FAT1: variants seen among roughly 807,000 people sequenced by gnomAD.
FAT1 encodes the protein protocadherin Fat 1.
FAT1 carries 171 observed loss-of-function variants against 329.8 expected under a neutral mutation model. The ratio of observed to expected loss-of-function variants is 0.52; its 90% CI spans 0.46 to 0.59. The LOEUF (loss-of-function observed/expected upper bound fraction) is 0.59, where lower values mean the gene tolerates loss of function less well. FAT1 is among the 20% of genes least tolerant of loss of function. The pLI is 0.00. For synonymous variants in FAT1, 2,233 were observed against 2,228.6 expected, an observed-to-expected ratio of 1.00 and a Z score of -0.06; for missense variants, 5,672 against 5,774.4, an observed-to-expected ratio of 0.98 and a Z score of 0.57.
rs1738934039 is a variant in FAT1 at position 186,603,647 on chromosome 4, T to C, written c.10879A>G (p.Ile3627Val). The C allele has an allele frequency of 6.2e-7, 1 of 1,614,064 alleles. No individual in the cohort carries two copies. The highest frequency in any genetic ancestry group is 1.1e-5 in the South Asian group (1 of 91,090). The change falls in exon 19 of 27, where the codon ATC (isoleucine) becomes GTC (valine). Residue 3627 changes from isoleucine to valine, a missense_variant. Ile to Val is a conservative substitution (Grantham distance 29, BLOSUM62 3). This residue lies in a region of FAT1 where 1,706 missense variants were observed against 1,859.1 expected (regional missense o/e 0.92). Coordinates refer to ENST00000441802, the MANE Select transcript of FAT1 (RefSeq NM_005245.4). ...GTGACTTGTCTGATATGCACTGTGA[T>C]GTCGGCCACCGTCGTGAACTTCCCA... Reference protein sequence around the residue: ...TDGKFTTVADITVHIRQVTQE... With the variant: ...TDGKFTTVADVTVHIRQVTQE...
intron 26 of FAT1, among the ~76,000 whole-genome samples, chr4:186,594,226 C>T (rs891944919): frequency 2.0e-5 from 3 of 151,914 alleles, no homozygotes; most frequent in East Asian, 2.0e-4. Context: ...CCACCACGCC[C>T]GGCTGATTTT....
intron 3 of FAT1, among the ~76,000 whole-genome samples, chr4:186,641,247 A>C (rs2126574386): frequency 6.6e-6 from 1 of 152,332 alleles, no homozygotes; most frequent in African/African-American, 2.4e-5. Context: ...GCTATATCAT[A>C]CCTCCACACT....
At chr4:186,671,817 G>A (rs1173247176) in intron 2 of FAT1, among the ~76,000 whole-genome samples, 1 of 151,492 alleles carries the variant, frequency 6.6e-6, no homozygotes, top group Non-Finnish European at 1.5e-5. Context: ...TGTGTGTGTG[G>A]TGTGTGTGTG....
At position 186,707,400 on chromosome 4, in the gene FAT1, C is replaced by T. The variant is rs759413243; in HGVS notation, c.2428G>A (p.Val810Ile). The change falls in exon 2 of 27, where the codon GTC becomes ATC. Residue 810 changes from valine to isoleucine, a missense_variant. By Grantham distance (29) the Val-to-Ile change is conservative. Around this residue, in one of 2 missense-constraint regions of FAT1, gnomAD observed 3,966 missense variants for 3,915.2 expected, o/e 1.01. Transcript: ENST00000441802. ...PQKAAWRLLH[V>I]VVVDANDNPP... ...TTATCATTGGCATCGACAACCACGA[C>T]ATGTAGAAGACGCCACGCAGCCTTC... 1 of 1,613,914 alleles carries T rather than the reference C, an allele frequency of 6.2e-7. No homozygotes were observed. The highest frequency in any genetic ancestry group is 1.7e-5 in the Admixed American group (1 of 60,000).
chr4:186,671,643 G>A (rs1434499469), intron 2 of FAT1, among the ~76,000 whole-genome samples: 1 of 151,840 alleles, frequency 6.6e-6, no homozygotes, highest in African/African-American at 2.4e-5. Context: ...AGGTTGCGGT[G>A]AGCCAAGACG....
chr4:186,596,453 G>A lies in FAT1; in HGVS notation c.13000+87C>T, dbSNP rs1395262089. ...TCTGAGCATACTTGTCTCTAATGAA[G>A]AGTACACACATTTTGACTGGACAGA... On this transcript the variant is annotated intron_variant, in intron 25 of 26. Transcript: ENST00000441802. The surrounding 1 kb of genome is among the most constrained non-coding windows in gnomAD (Gnocchi z 4.7). The A allele has an allele frequency of 1.4e-6, 2 of 1,398,696 alleles. No homozygotes were observed. Among genetic ancestry groups the A allele is most frequent in the African/African-American group, 2.9e-5 (2 of 69,410 alleles). 86.6% of individuals were successfully genotyped at this position (1,398,696 alleles called of 1,614,324 possible). A position where few individuals can be genotyped will look rare whatever the true frequency, so the allele number is the denominator to read the frequency against.
At chr4:186,679,177 G>A (rs974788979) in intron 2 of FAT1, among the ~76,000 whole-genome samples, 11 of 152,044 alleles carry the variant, frequency 7.2e-5, no homozygotes, top group African/African-American at 2.2e-4. Context: ...TCAGGAGATC[G>A]AGACCATCCT....
In FAT1 at chr4:186,611,500, T is replaced by C. The variant is rs1369299622; in HGVS notation, c.9739A>G (p.Thr3247Ala). The change falls in exon 14 of 27, where the codon ACT becomes GCT. Residue 3247 changes from threonine (T) to alanine (A), a missense_variant. By Grantham distance (58) the Thr-to-Ala change is moderately conservative. Transcript: ENST00000441802. ...GCTGCATACACTTGAAGAACTTCAGTTCCAACAAGAATGTCCTCAGACACG... is the reference window on the plus strand; with the variant it reads ...GCTGCATACACTTGAAGAACTTCAGCTCCAACAAGAATGTCCTCAGACACG... ...ATVSEDILVG[T>A]EVLQVYAASR... 2.5e-6 allele frequency: 4 copies of C among 1,613,860 alleles called. No individual in the cohort carries two copies. Among genetic ancestry groups the C allele is most frequent in the Non-Finnish European group, 3.4e-6 (4 of 1,179,886 alleles).
At chr4:186,710,892 G>A (rs2126708605) in intron 1 of FAT1, among the ~76,000 whole-genome samples, 1 of 152,330 alleles carries the variant, frequency 6.6e-6, no homozygotes, top group East Asian at 1.9e-4. Flanking sequence ...AGAAAACGTT[G>A]CCTTTAACAA....
intron 1 of FAT1, among the ~76,000 whole-genome samples, chr4:186,719,770 A>C (rs1745380252): frequency 6.6e-6 from 1 of 152,230 alleles, no homozygotes; most frequent in Admixed American, 6.5e-5. Flanking sequence ...TCCAAACTTG[A>C]CATTTCTTTC....
At chr4:186,651,926 G>A (rs1741683083) in intron 3 of FAT1, among the ~76,000 whole-genome samples, 1 of 152,210 alleles carries the variant, frequency 6.6e-6, no homozygotes, top group African/African-American at 2.4e-5. Flanking sequence ...CTGAAGTACT[G>A]GTGCCGGCAG....
intron 26 of FAT1, among the ~76,000 whole-genome samples, chr4:186,595,292 AGG>A (rs916976099): frequency 1.9e-4 from 27 of 142,020 alleles, no homozygotes; most frequent in African/African-American, 5.8e-4. Flanking sequence ...CTCTTCTTAG[AGG>A]GGGTGTGTGT....
chr4:186,674,816 TTGAGCC>T, intron 2 of FAT1, among the ~76,000 whole-genome samples: 1 of 152,138 alleles, frequency 6.6e-6, no homozygotes. Flanking sequence ...GGTGGATCAC[TTGAGCC>T]CAAGAGTTCG....
At chr4:186,712,806 A>T (rs1246833730) in intron 1 of FAT1, among the ~76,000 whole-genome samples, 1 of 102,096 alleles carries the variant, frequency 9.8e-6, no homozygotes, top group African/African-American at 4.8e-5. Flanking sequence ...AGCTGTGATG[A>T]CTAAAAATAC....
intron 2 of FAT1, among the ~76,000 whole-genome samples, chr4:186,683,917 T>A (rs893364712): frequency 1.3e-5 from 2 of 151,990 alleles, no homozygotes; most frequent in African/African-American, 2.4e-5. Context: ...TCACAAAACA[T>A]TGCATGTAAT....
intron 2 of FAT1, among the ~76,000 whole-genome samples, chr4:186,669,425 C>T (rs1033617883): frequency 3.3e-5 from 5 of 152,196 alleles, no homozygotes; most frequent in Non-Finnish European, 7.3e-5. Context: ...ACGCTTGTTA[C>T]GTGTGCCACT....
At chr4:186,697,728 T>C (rs1744105653) in intron 2 of FAT1, among the ~76,000 whole-genome samples, 1 of 152,198 alleles carries the variant, frequency 6.6e-6, no homozygotes, top group African/African-American at 2.4e-5. Flanking sequence ...TAAGGCATTA[T>C]AAAAATGCTT....
rs1343287401 is a variant in FAT1 at position 186,618,995 on chromosome 4, T to C, written c.7591A>G (p.Ile2531Val). 1.9e-6 allele frequency: 3 copies of C among 1,614,038 alleles called. No homozygotes were observed. In the East Asian group the frequency reaches 6.7e-5, roughly 36 times the overall value. The change falls in exon 10 of 27, where the codon ATT (isoleucine) becomes GTT (valine). Residue 2531 changes from isoleucine (I) to valine (V), a missense_variant. Physicochemically the swap from Ile to Val is conservative, Grantham distance 29 (BLOSUM62 3). Around this residue, in one of 2 missense-constraint regions of FAT1, gnomAD observed 3,966 missense variants for 3,915.2 expected, o/e 1.01. Coordinates refer to ENST00000441802, the MANE Select transcript of FAT1 (RefSeq NM_005245.4). ...SGIYGHVTYH[I>V]VNDFAKDRFY... ...CTGTCTTTGGCAAAGTCATTTACAA[T>C]ATGGTAAGTAACGTGACCATAAATA...
At chr4:186,590,662 T>C (rs1738198978) in intron 26 of FAT1, 2 of 456,144 alleles carry the variant, frequency 4.4e-6, no homozygotes, top group South Asian at 3.1e-5. Flanking sequence ...AACTCAAATA[T>C]TACTTTCTTT....
Sources: gnomAD v4.1 joint callset for allele counts (sites outside exome capture counted in the v4.1 genomes callset) on GRCh38, gnomAD v4.1.1 for gene constraint, gnomAD v4.1.1 regional missense constraint, Gnocchi (gnomAD v3.1) non-coding constraint, MANE v1.5 for transcripts, NCBI Gene and HGNC (gene_info 2026-07-23, HGNC 2026-07-21) for gene names.